The following CDC20B variants were observed in gnomAD, a reference collection of about 807,000 sequenced individuals.
The protein encoded by CDC20B is cell division cycle 20B.
In CDC20B, 58 loss-of-function variants were observed where a neutral mutation model predicts 64.1. The ratio of observed to expected loss-of-function variants is 0.90; its 90% CI spans 0.73 to 1.13. The LOEUF is 1.13. Among genes scored for constraint, CDC20B ranks in the 50% most tolerant of loss-of-function variants. The pLI is 0.00. For synonymous variants in CDC20B, 243 were observed against 230.6 expected, an observed-to-expected ratio of 1.05 and a Z score of -0.49; for missense variants, 597 against 633.0, an observed-to-expected ratio of 0.94 and a Z score of 0.61.
At chr5:55,167,713 A>C (rs1744460102) in intron 2 of CDC20B, among the ~76,000 whole-genome samples, 1 of 152,104 alleles carries the variant, frequency 6.6e-6, no homozygotes, top group African/African-American at 2.4e-5. Flanking sequence ...AAATCAAAAA[A>C]TTAGCTGGGT....
At chr5:55,153,814 C>A (rs2111909812) in intron 2 of CDC20B, among the ~76,000 whole-genome samples, 1 of 152,256 alleles carries the variant, frequency 6.6e-6, no homozygotes, top group Admixed American at 6.5e-5. Flanking sequence ...GAACAATATT[C>A]TTATTTAGAT....
chr5:55,121,058 T>C (rs336062), intron 9 of CDC20B, among the ~76,000 whole-genome samples: 24,528 of 152,132 alleles, frequency 0.16, 2,383 homozygotes, highest in South Asian at 0.3. Flanking sequence ...GAAAATAAAA[T>C]TGCCTTCTAT....
chr5:55,145,599 C>A (rs926442085), intron 3 of CDC20B, among the ~76,000 whole-genome samples: 2 of 152,108 alleles, frequency 1.3e-5, no homozygotes, highest in African/African-American at 2.4e-5. Context: ...GATCATGGAT[C>A]CTGCCCATCA....
intron 11 of CDC20B, among the ~76,000 whole-genome samples, chr5:55,115,476 GC>G (rs1160392968): frequency 2.0e-5 from 3 of 152,190 alleles, no homozygotes; most frequent in Non-Finnish European, 4.4e-5. Context: ...AAGGGCTAGT[GC>G]TCCTTGGAAA....
intron 9 of CDC20B, among the ~76,000 whole-genome samples, chr5:55,121,590 T>C (rs1443512019): frequency 6.6e-6 from 1 of 150,932 alleles, no homozygotes; most frequent in Non-Finnish European, 1.5e-5. Flanking sequence ...ATTCTACATG[T>C]CTTTTTTTCT....
At chr5:55,158,398 A>G (rs1307998091) in intron 2 of CDC20B, among the ~76,000 whole-genome samples, 3 of 152,256 alleles carry the variant, frequency 2.0e-5, no homozygotes, top group Non-Finnish European at 2.9e-5. Flanking sequence ...ACTAGGAATT[A>G]TGTTTAAAAG....
intron 2 of CDC20B, among the ~76,000 whole-genome samples, chr5:55,168,201 T>G (rs1278242886): frequency 6.6e-6 from 1 of 152,038 alleles, no homozygotes; most frequent in Non-Finnish European, 1.5e-5. Context: ...GGCTGTCTCT[T>G]GCAGAGCAGT....
chr5:55,123,990 G>A (rs1178012257), intron 9 of CDC20B, among the ~76,000 whole-genome samples: 2 of 152,120 alleles, frequency 1.3e-5, no homozygotes, highest in Non-Finnish European at 2.9e-5. Flanking sequence ...CTGTTAATAA[G>A]GTAGAACCAT....
rs567677017 is a variant in CDC20B at position 55,171,824 on chromosome 5, T to C, written c.126+764A>G. On this transcript the variant is annotated intron_variant, in intron 2 of 11. Transcript: ENST00000381375. ...CTCCCTGTGTTGTCCAGGCTGGTCT[T>C]GAAGTCTTGGCCTCAAGTGATCCTC... Among the ~76,000 whole-genome samples, 16 of 152,286 alleles carry C rather than the reference T, an allele frequency of 1.1e-4. No homozygotes were observed. The South Asian group carries it at 2.1e-3, about 20-fold the overall frequency.
intron 10 of CDC20B, 66 bp from the exon 11 acceptor site, chr5:55,119,984 G>A (rs1742718678): frequency 8.4e-7 from 1 of 1,196,826 alleles, no homozygotes; most frequent in African/African-American, 1.5e-5. Context: ...TAGTTAAACT[G>A]GTTACAGGCA....
In CDC20B at chr5:55,119,026, C is replaced by G. The variant is rs74442797; in HGVS notation, c.1459+775G>C. 1.4e-3 allele frequency among the ~76,000 whole-genome samples: 211 copies of G among 152,318 alleles called. 1 individual carries two copies. Among genetic ancestry groups the G allele is most frequent in the African/African-American group, 5.0e-3 (206 of 41,570 alleles). ...CCCCAGCACCCCAAAAAGTACCTCC[C>G]ACATAATAGATGCTTCATAAATAAA... is the stretch of plus-strand genomic sequence containing the variant. On this transcript the variant is annotated intron_variant, in intron 11 of 11. Transcript: ENST00000381375.
At chr5:55,154,769 T>C (rs1032374744) in intron 2 of CDC20B, among the ~76,000 whole-genome samples, 6 of 152,240 alleles carry the variant, frequency 3.9e-5, no homozygotes, top group African/African-American at 1.4e-4. Context: ...TAATTATGTA[T>C]TTAATGTCAT....
chr5:55,161,320 C>A, intron 2 of CDC20B: 1 of 1,388,274 alleles, frequency 7.2e-7, no homozygotes. Flanking sequence ...TATACCAGGA[C>A]AATACTTTCC....
rs1561285309 is a variant in CDC20B at position 55,120,532 on chromosome 5, AG to A, written c.1233del (p.Trp412GlyfsTer12). ...STAVKAMDWC[P>X]WQSGVLAIGG... Reference sequence around the variant, plus strand: ...CCAATGGCAAGGACCCCAGACTGCCAGGGACACCAATCCATGGCCTTTAAAG... The same window carrying A: ...CCAATGGCAAGGACCCCAGACTGCCAGGACACCAATCCATGGCCTTTAAAG... On this transcript the variant is annotated frameshift_variant, in exon 10 of 12. Coordinates refer to ENST00000381375, the MANE Select transcript of CDC20B (RefSeq NM_001170402.1). LOFTEE classifies it high-confidence loss of function. The A allele has an allele frequency of 6.2e-7, 1 of 1,613,700 alleles. No homozygotes were observed. Among genetic ancestry groups the A allele is most frequent in the East Asian group, 2.2e-5 (1 of 44,842 alleles).
In CDC20B at chr5:55,114,224, G is replaced by A. The variant is rs369841777; in HGVS notation, c.1554C>T (p.Cys518=). 1 of 1,613,502 alleles carries A rather than the reference G, an allele frequency of 6.2e-7. No homozygotes were observed. The highest frequency in any genetic ancestry group is 1.3e-5 in the African/African-American group (1 of 75,008). ...AACCTAGAGGGGCTGGGTGCTAGTA[G>A]CAATTCCATACAGAGGCCGTCCCAT... ...AADGTASVWN[C]Y The change falls in exon 12 of 12, where the codon TGC becomes TGT. Residue 518 remains cysteine, a synonymous_variant. Coordinates refer to ENST00000381375, the MANE Select transcript of CDC20B (RefSeq NM_001170402.1). This position sits in a 1 kb window ranked among gnomAD's most constrained non-coding sequence, Gnocchi z 4.1.
At chr5:55,164,342 T>C in intron 2 of CDC20B, 1 of 540,322 alleles carries the variant, frequency 1.9e-6, no homozygotes, top group Non-Finnish European at 2.9e-6. Context: ...CAGTAGTGCG[T>C]TCTCAGCTCA....
At chr5:55,161,061 A>G in intron 2 of CDC20B, 1 of 1,614,148 alleles carries the variant, frequency 6.2e-7, no homozygotes, top group Non-Finnish European at 8.5e-7. Flanking sequence ...GGGCTGAAGG[A>G]ACTGCACAAA....
In CDC20B at chr5:55,128,510, A is replaced by G. The variant is rs1411651288; in HGVS notation, c.805T>C (p.Leu269=). The G allele has an allele frequency of 1.9e-6, 3 of 1,612,498 alleles. No homozygotes were observed. Among genetic ancestry groups the G allele is most frequent in the Non-Finnish European group, 8.5e-7 (1 of 1,179,666 alleles). ...ENHNGIENID[L]SLTCNYISSV... ...GAGATATAGTTACAAGTGAGACTTA[A>G]GTCTATGTTTTCAATCCCATTGTGG... is the stretch of plus-strand genomic sequence containing the variant. Residue 269 remains leucine (L), a synonymous_variant, in exon 7 of 12, where the codon TTA becomes CTA. Transcript: ENST00000381375.
At chr5:55,142,874 T>C (rs1195910081) in intron 4 of CDC20B, among the ~76,000 whole-genome samples, 1 of 152,266 alleles carries the variant, frequency 6.6e-6, no homozygotes, top group Non-Finnish European at 1.5e-5. Flanking sequence ...ATGACTTTTC[T>C]AGTTCAAAGC....
Sources: allele counts gnomAD v4.1 joint callset (sites outside exome capture counted in the v4.1 genomes callset), GRCh38; gene constraint gnomAD v4.1.1; non-coding constraint Gnocchi (gnomAD v3.1); transcripts MANE v1.5; gene names NCBI Gene and HGNC (gene_info 2026-07-23, HGNC 2026-07-21).